The following CNTN5 variants were observed in gnomAD, a reference collection of about 807,000 sequenced individuals.
CNTN5 encodes contactin 5.
Under a neutral mutation model 129.1 loss-of-function variants are expected in CNTN5, and 77 were observed. The ratio of observed to expected loss-of-function variants is 0.60; its 90% CI spans 0.50 to 0.72. The LOEUF (loss-of-function observed/expected upper bound fraction) is 0.72, where lower values mean the gene tolerates loss of function less well. Among genes scored for constraint, CNTN5 ranks in the 30% least tolerant of loss-of-function variants. The pLI is 0.00. For synonymous variants in CNTN5, 509 were observed against 465.6 expected (o/e 1.09, Z -1.20); for missense variants, 1,478 against 1,328.8 (o/e 1.11, Z -1.75).
chr11:100,223,037 T>G (rs1949297868), intron 15 of CNTN5, among the ~76,000 whole-genome samples: 1 of 152,174 alleles, frequency 6.6e-6, no homozygotes, highest in Non-Finnish European at 1.5e-5. Flanking sequence ...CTTTTTCTGA[T>G]TTGAGAGAAG....
chr11:99,958,026 A>G (rs955443995), intron 8 of CNTN5, among the ~76,000 whole-genome samples: 3 of 152,046 alleles, frequency 2.0e-5, no homozygotes, highest in Admixed American at 2.0e-4. Context: ...TAATAGTAAC[A>G]ACACCATCAG....
chr11:99,383,172 T>TC (rs762629419), intron 2 of CNTN5, among the ~76,000 whole-genome samples: 2 of 152,072 alleles, frequency 1.3e-5, no homozygotes, highest in Non-Finnish European at 1.5e-5. Context: ...AACTTTTATT[T>TC]CACTAAATAT....
intron 2 of CNTN5, among the ~76,000 whole-genome samples, chr11:99,377,246 T>G (rs948281421): frequency 1.3e-5 from 2 of 152,134 alleles, no homozygotes; most frequent in East Asian, 1.9e-4. Context: ...GTGGAGATTT[T>G]CTAATAGTAT....
chr11:99,655,271 A>G (rs1050126583), intron 3 of CNTN5, among the ~76,000 whole-genome samples: 2 of 152,158 alleles, frequency 1.3e-5, no homozygotes, highest in African/African-American at 4.8e-5. Flanking sequence ...ATCTATAGGA[A>G]CAATGTGGAT....
chr11:99,984,034 G>A (rs1172144739), intron 8 of CNTN5, among the ~76,000 whole-genome samples: 1 of 152,184 alleles, frequency 6.6e-6, no homozygotes, highest in Non-Finnish European at 1.5e-5. Flanking sequence ...TTGGGAGGCT[G>A]AGGCAGGCAG....
intron 3 of CNTN5, among the ~76,000 whole-genome samples, chr11:99,684,460 G>A (rs1307093459): frequency 6.6e-6 from 1 of 151,714 alleles, no homozygotes; most frequent in Admixed American, 6.6e-5. Context: ...TACTTTGTGT[G>A]CATTCATTCA....
chr11:99,639,639 A>C (rs1297333308), intron 3 of CNTN5, among the ~76,000 whole-genome samples: 1 of 130,270 alleles, frequency 7.7e-6, no homozygotes, highest in Non-Finnish European at 1.5e-5. Flanking sequence ...ATCTCGGCTC[A>C]CTGAGGCCTC....
intron 6 of CNTN5, among the ~76,000 whole-genome samples, chr11:99,897,478 G>A (rs1163539702): frequency 6.6e-6 from 1 of 151,898 alleles, no homozygotes; most frequent in Non-Finnish European, 1.5e-5. Context: ...AGCCAAAAGA[G>A]GTTGGTGTTG....
intron 1 of CNTN5, among the ~76,000 whole-genome samples, chr11:99,202,044 A>T (rs1301218166): frequency 2.6e-5 from 4 of 152,242 alleles, no homozygotes. Flanking sequence ...AGATGAAATC[A>T]GTTTCATATT....
At chr11:99,574,624 C>T (rs1466036314) in intron 3 of CNTN5, among the ~76,000 whole-genome samples, 1 of 152,168 alleles carries the variant, frequency 6.6e-6, no homozygotes, top group Non-Finnish European at 1.5e-5. Context: ...GATAGTATCA[C>T]ATTTTGGATT....
At chr11:99,060,903 A>G (rs574325687) in intron 1 of CNTN5, among the ~76,000 whole-genome samples, 7 of 152,178 alleles carry the variant, frequency 4.6e-5, no homozygotes, top group South Asian at 4.1e-4. Flanking sequence ...GAGTGCAAGT[A>G]AGGCATCCTG....
intron 21 of CNTN5, among the ~76,000 whole-genome samples, chr11:100,336,515 T>C (rs1952041496): frequency 6.6e-6 from 1 of 152,182 alleles, no homozygotes; most frequent in Non-Finnish European, 1.5e-5. Flanking sequence ...AAGAAAATAA[T>C]TGTATGAAGA....
At chr11:99,747,747 C>T (rs895946891) in intron 3 of CNTN5, among the ~76,000 whole-genome samples, 1 of 152,164 alleles carries the variant, frequency 6.6e-6, no homozygotes, top group Admixed American at 6.5e-5. Flanking sequence ...GCTGGGATTA[C>T]AGGCATGAGC....
chr11:99,587,805 A>T (rs1219152914), intron 3 of CNTN5, among the ~76,000 whole-genome samples: 3 of 152,328 alleles, frequency 2.0e-5, no homozygotes, highest in Admixed American at 6.5e-5. Flanking sequence ...TTGAAGGATT[A>T]TCTAGGTTTT....
At chr11:99,382,852 T>A (rs1392598910) in intron 2 of CNTN5, among the ~76,000 whole-genome samples, 1 of 83,290 alleles carries the variant, frequency 1.2e-5, no homozygotes, top group Non-Finnish European at 2.5e-5. Flanking sequence ...TAACTTTTTT[T>A]TTTTTTTTTT....
At chr11:99,998,331 A>C (rs1427187295) in intron 8 of CNTN5, among the ~76,000 whole-genome samples, 2 of 150,718 alleles carry the variant, frequency 1.3e-5, no homozygotes, top group Non-Finnish European at 3.0e-5. Flanking sequence ...ATCAATGTAC[A>C]AAAATCACAA....
intron 6 of CNTN5, among the ~76,000 whole-genome samples, chr11:99,911,395 C>T (rs1949655128): frequency 6.6e-6 from 1 of 151,848 alleles, no homozygotes. Flanking sequence ...TCAACATTGC[C>T]ACTTATTCAG....
At chr11:100,145,155 A>G (rs1419532700) in intron 13 of CNTN5, among the ~76,000 whole-genome samples, 1 of 152,148 alleles carries the variant, frequency 6.6e-6, no homozygotes, top group African/African-American at 2.4e-5. Context: ...AACTCAGGAT[A>G]ATCATACCTA....
chr11:100,319,112 C>A (rs2138954424), intron 21 of CNTN5, among the ~76,000 whole-genome samples: 2 of 151,292 alleles, frequency 1.3e-5, no homozygotes, highest in East Asian at 3.9e-4. Context: ...ATTCTTACCC[C>A]CAAAAAAACA....
Sources: gnomAD v4.1 joint callset for allele counts (sites outside exome capture counted in the v4.1 genomes callset) on GRCh38, gnomAD v4.1.1 for gene constraint, MANE v1.5 for transcripts, NCBI Gene and HGNC (gene_info 2026-07-23, HGNC 2026-07-21) for gene names.